Variants in NDFIP1 observed in about 807,000 individuals in gnomAD.
NDFIP1 encodes the protein Nedd4 family interacting protein 1, also known as NEDD4 family-interacting protein 1.
Under a neutral mutation model 28.8 loss-of-function variants are expected in NDFIP1, and 7 were observed. The observed-to-expected ratio is 0.24, with a 90% CI of 0.14 to 0.46. The LOEUF is 0.46. Ranked by LOEUF, NDFIP1 falls within the 20% of genes least tolerant of loss-of-function variation. The probability of loss-of-function intolerance (pLI) is 0.99; values close to 1 mark genes in which losing one functional copy is unlikely to be tolerated. For missense variants in NDFIP1, 194 were observed against 269.1 expected (o/e 0.72, Z 1.95); for synonymous variants, 92 against 101.0 (o/e 0.91, Z 0.53).
chr5:142,152,082 C>T lies in NDFIP1; in HGVS notation c.*354C>T, dbSNP rs540949429. 6.5e-5 allele frequency: 10 copies of T among 152,762 alleles called. No homozygotes were observed. The highest frequency in any genetic ancestry group is 1.5e-4 in the Non-Finnish European group (10 of 68,038). The allele number at this position is 152,762 out of a possible 1,614,324, so 9.5% of individuals were successfully genotyped here. A position where few individuals can be genotyped will look rare whatever the true frequency, so the allele number is the denominator to read the frequency against. ...GGGCAGTCTTGCTTTATTCATCCTC[C>T]ATCTCAAAATGAACTTGGAATTAAA... On this transcript the variant is annotated 3_prime_UTR_variant, in exon 8 of 8. Transcript: ENST00000253814.
chr5:142,132,469 G>A, intron 3 of NDFIP1, 127 bp downstream of exon 3: 1 of 1,201,334 alleles, frequency 8.3e-7, no homozygotes, highest in Non-Finnish European at 1.2e-6. Context: ...TTAAAAATCA[G>A]GTACATTTGC....
chr5:142,143,993 TTAATAA>T (rs61139878), intron 6 of NDFIP1: 2,520 of 148,124 alleles, frequency 0.017, 31 homozygotes, highest in African/African-American at 0.035. Flanking sequence ...ACCCTGTCTG[TTAATAA>T]TAATAATAAT....
At chr5:142,147,818 A>G (rs1323902598) in intron 7 of NDFIP1, among the ~76,000 whole-genome samples, 2 of 152,246 alleles carry the variant, frequency 1.3e-5, no homozygotes, top group Non-Finnish European at 2.9e-5. Flanking sequence ...CTGGTAAACT[A>G]GTGACTACTC....
At chr5:142,126,555 G>A (rs1445116954) in intron 1 of NDFIP1, among the ~76,000 whole-genome samples, 1 of 152,168 alleles carries the variant, frequency 6.6e-6, no homozygotes, top group Non-Finnish European at 1.5e-5. Flanking sequence ...ATTCTGAGGT[G>A]TATGTTGATA....
chr5:142,139,109 A>G (rs1757302676), intron 5 of NDFIP1, among the ~76,000 whole-genome samples: 2 of 151,996 alleles, frequency 1.3e-5, no homozygotes, highest in East Asian at 1.9e-4. Flanking sequence ...AGTCCCAGCT[A>G]CTCGGGAGGC....
chr5:142,144,901 G>C (rs1757372833), intron 7 of NDFIP1, among the ~76,000 whole-genome samples: 1 of 152,232 alleles, frequency 6.6e-6, no homozygotes, highest in Non-Finnish European at 1.5e-5. Flanking sequence ...ATTACTTCAT[G>C]CTTTGACAGT....
At chr5:142,129,729 C>T (rs1052345389) in intron 1 of NDFIP1, among the ~76,000 whole-genome samples, 2 of 151,650 alleles carry the variant, frequency 1.3e-5, no homozygotes, top group African/African-American at 2.4e-5. Context: ...GAGTTTGAGA[C>T]GAGCCTGGCC....
chr5:142,135,421 C>G (rs1287070856), intron 3 of NDFIP1, among the ~76,000 whole-genome samples: 1 of 151,936 alleles, frequency 6.6e-6, no homozygotes, highest in African/African-American at 2.4e-5. Flanking sequence ...GTAAATAGTT[C>G]TTTGTGAACT....
rs754983410 is a variant in NDFIP1 at position 142,144,587 on chromosome 5, C to T, written c.579C>T (p.Leu193=). ...TTAAATTAGGCTTTCTCCTGTTTCT[C>T]AGAGGATTTATCAATTATGCAAAAG... ...VFLVLGFLLF[L]RGFINYAKVR... The change falls in exon 7 of 8, where the codon CTC becomes CTT. Residue 193 remains leucine, a synonymous_variant. Transcript: ENST00000253814. 6.2e-7 allele frequency: 1 copy of T among 1,610,640 alleles called. No individual in the cohort carries two copies. Among genetic ancestry groups the T allele is most frequent in the Admixed American group, 1.7e-5 (1 of 59,568 alleles).
At chr5:142,128,820 T>C (rs938709593) in intron 1 of NDFIP1, among the ~76,000 whole-genome samples, 26 of 152,344 alleles carry the variant, frequency 1.7e-4, no homozygotes, top group Non-Finnish European at 3.2e-4. Flanking sequence ...AGTGTTTTTT[T>C]CCTTACCAAA....
intron 1 of NDFIP1, among the ~76,000 whole-genome samples, chr5:142,117,000 C>T (rs1490192288): frequency 1.3e-5 from 2 of 151,710 alleles, no homozygotes; most frequent in Non-Finnish European, 2.9e-5. Flanking sequence ...CATGAGCCAC[C>T]GTGCCCGGCC....
At chr5:142,142,940 A>AAAAAAAATATATAT (rs60076432) in intron 6 of NDFIP1, 1 of 38,148 alleles carries the variant, frequency 2.6e-5, no homozygotes, top group African/African-American at 1.3e-4. Context: ...AAAAAAAAAA[A>AAAAAAAATATATAT]ATATATATAT....
intron 1 of NDFIP1, among the ~76,000 whole-genome samples, chr5:142,118,084 C>T (rs898709958): frequency 4.6e-5 from 7 of 152,060 alleles, no homozygotes; most frequent in African/African-American, 1.7e-4. Flanking sequence ...AGAGAGTTTC[C>T]ATATGCCCTA....
intron 3 of NDFIP1, among the ~76,000 whole-genome samples, chr5:142,132,571 C>G (rs1262903417): frequency 6.6e-6 from 1 of 152,206 alleles, no homozygotes; most frequent in Non-Finnish European, 1.5e-5. Flanking sequence ...CCTATTACCA[C>G]TACTTTTTCA....
chr5:142,110,448 C>T (rs1420360230), intron 1 of NDFIP1, among the ~76,000 whole-genome samples: 2 of 152,156 alleles, frequency 1.3e-5, no homozygotes, highest in Admixed American at 1.3e-4. Context: ...ATAAGGCTAA[C>T]GAGCAAAAGA....
At chr5:142,134,864 A>C (rs1757258402) in intron 3 of NDFIP1, among the ~76,000 whole-genome samples, 1 of 152,242 alleles carries the variant, frequency 6.6e-6, no homozygotes, top group Non-Finnish European at 1.5e-5. Context: ...CTGTATACCA[A>C]TACAAATACA....
At chr5:142,141,688 T>C (rs1018653111) in intron 6 of NDFIP1, among the ~76,000 whole-genome samples, 1 of 152,156 alleles carries the variant, frequency 6.6e-6, no homozygotes, top group Non-Finnish European at 1.5e-5. Flanking sequence ...AAAGATGGTG[T>C]GATTGCCTCA....
chr5:142,127,152 A>G (rs985591846), intron 1 of NDFIP1, among the ~76,000 whole-genome samples: 1 of 151,992 alleles, frequency 6.6e-6, no homozygotes, highest in African/African-American at 2.4e-5. Context: ...AGTAGTTGGG[A>G]CTACAGGTGC....
intron 1 of NDFIP1, among the ~76,000 whole-genome samples, chr5:142,128,991 A>AT (rs1757199019): frequency 6.6e-6 from 1 of 152,060 alleles, no homozygotes; most frequent in Non-Finnish European, 1.5e-5. Context: ...TGTTCTTTGG[A>AT]TTTCTGTATT....
Sources: allele counts gnomAD v4.1 joint callset (sites outside exome capture counted in the v4.1 genomes callset), GRCh38; gene constraint gnomAD v4.1.1; transcripts MANE v1.5; gene names NCBI Gene and HGNC (gene_info 2026-07-23, HGNC 2026-07-21).